Variants in MAL2 observed in about 807,000 individuals in gnomAD.
MAL2 encodes mal, T cell differentiation protein 2.
A neutral mutation model predicts 18.1 loss-of-function variants in MAL2; 17 were observed. That is an observed-to-expected ratio of 0.94 (90% CI 0.64 to 1.41). The LOEUF (loss-of-function observed/expected upper bound fraction) is 1.41. Among genes scored for constraint, MAL2 ranks in the 40% most tolerant of loss-of-function variants. The probability of loss-of-function intolerance (pLI) is 0.00; values close to 1 mark genes in which losing one functional copy is unlikely to be tolerated. For missense variants in MAL2, 222 were observed against 231.9 expected (o/e 0.96, Z 0.28); for synonymous variants, 102 against 102.3 (o/e 1.00, Z 0.02).
At position 119,224,090 on chromosome 8, in the gene MAL2, A is replaced by G. The variant is rs572937200; in HGVS notation, c.303+2333A>G. 44 of 152,326 alleles carry G rather than the reference A, an allele frequency of 2.9e-4. 1 individual carries two copies. Among genetic ancestry groups the G allele is most frequent in the African/African-American group, 9.4e-4 (39 of 41,588 alleles). 9.4% of individuals were successfully genotyped at this position (152,326 alleles called of 1,614,324 possible). A position where few individuals can be genotyped will look rare whatever the true frequency, so the allele number is the denominator to read the frequency against. On this transcript the variant is annotated intron_variant, in intron 2 of 3. Coordinates refer to ENST00000614891, the MANE Select transcript of MAL2 (RefSeq NM_052886.3). ...CTTATTTTCTAGATGTATTTGTTGT[A>G]GGATATTGAGTTTACTATTTCTTCT...
intron 2 of MAL2, among the ~76,000 whole-genome samples, chr8:119,222,334 G>A (rs1817481619): frequency 6.6e-6 from 1 of 151,878 alleles, no homozygotes. Flanking sequence ...TTCAAGACCA[G>A]CCTGGCCAAC....
chr8:119,245,503 T>C lies in MAL2; in HGVS notation c.*2015T>C, dbSNP rs927601566. On this transcript the variant is annotated 3_prime_UTR_variant, in exon 4 of 4. Transcript: ENST00000614891. The stretch of plus-strand genomic sequence containing the variant: ...TTGTAGCTTAATCACATTCTAGACT[T>C]GTGAGTTGAATGACAAAGCAGTTGA... 6.6e-6 allele frequency: 1 copy of C among 152,626 alleles called. No homozygotes were observed. Among genetic ancestry groups the C allele is most frequent in the Admixed American group, 6.6e-5 (1 of 15,264 alleles). 9.5% of individuals were successfully genotyped at this position (152,626 alleles called of 1,614,324 possible).
intron 2 of MAL2, among the ~76,000 whole-genome samples, chr8:119,229,823 C>G (rs2432984): frequency 0.95 from 145,110 of 152,260 alleles, 69,239 homozygotes; most frequent in East Asian, 1. Context: ...TTCTCCTTCA[C>G]GTGGGCATAA....
chr8:119,238,245 C>T (rs1388678478), intron 2 of MAL2, among the ~76,000 whole-genome samples: 2 of 151,648 alleles, frequency 1.3e-5, no homozygotes, highest in African/African-American at 2.4e-5. Context: ...TGAAGGACCT[C>T]TTCAAGAACT....
At chr8:119,232,722 T>A (rs1216535570) in intron 2 of MAL2, among the ~76,000 whole-genome samples, 1 of 152,244 alleles carries the variant, frequency 6.6e-6, no homozygotes, top group Admixed American at 6.5e-5. Context: ...ATACATATCA[T>A]AACCATAATA....
At chr8:119,219,958 C>T (rs1467588730) in intron 1 of MAL2, among the ~76,000 whole-genome samples, 2 of 152,162 alleles carry the variant, frequency 1.3e-5, no homozygotes, top group African/African-American at 4.8e-5. Flanking sequence ...ACATTCACGG[C>T]ATGCAAGTAA....
At position 119,240,246 on chromosome 8, in the gene MAL2, T is replaced by G; in HGVS notation, c.385T>G (p.Leu129Val). ...AGCAGCAGCCACATCCCTGCATGAT[T>G]TGCATTGCAATACAACCATAACCGG... is the stretch of plus-strand genomic sequence containing the variant. Reference protein sequence around the residue: ...LEAAATSLHDLHCNTTITGQP... With the variant: ...LEAAATSLHDVHCNTTITGQP... The change falls in exon 3 of 4, where the codon TTG (leucine) becomes GTG (valine). Residue 129 changes from leucine to valine, a missense_variant. Physicochemically the swap from Leu to Val is conservative, Grantham distance 32. Coordinates refer to ENST00000614891, the MANE Select transcript of MAL2 (RefSeq NM_052886.3). 1 of 1,613,802 alleles carries G rather than the reference T, an allele frequency of 6.2e-7. No homozygotes were observed. The highest frequency in any genetic ancestry group is 1.1e-5 in the South Asian group (1 of 91,070).
At chr8:119,228,721 C>G (rs1817647299) in intron 2 of MAL2, among the ~76,000 whole-genome samples, 1 of 152,148 alleles carries the variant, frequency 6.6e-6, no homozygotes, top group African/African-American at 2.4e-5. Flanking sequence ...GGCTCAAGCT[C>G]AGAGAGTCAT....
intron 2 of MAL2, among the ~76,000 whole-genome samples, chr8:119,236,871 C>G (rs558709527): frequency 6.6e-6 from 1 of 150,592 alleles, no homozygotes; most frequent in Admixed American, 6.6e-5. Context: ...CCTAACATCA[C>G]AATTAAAAGA....
Position 119,208,586 on chromosome 8 carries a change from C to T in MAL2, c.114C>T (p.Ala38=), listed in dbSNP as rs933970995. 3.6e-6 allele frequency: 5 copies of T among 1,381,654 alleles called. No homozygotes were observed. The highest frequency in any genetic ancestry group is 3.0e-5 in the African/African-American group (2 of 66,836). 85.6% of individuals were successfully genotyped at this position (1,381,654 alleles called of 1,614,324 possible). Residue 38 remains alanine (A), a synonymous_variant, in exon 1 of 4, where the codon GCC becomes GCT. Coordinates refer to ENST00000614891, the MANE Select transcript of MAL2 (RefSeq NM_052886.3). The surrounding 1 kb of genome is among the most constrained non-coding windows in gnomAD (Gnocchi z 4.3). ...ACATCCTGCGGACCTACTCGGGCGC[C>T]TTCGTCTGCCTGGAGATTGTAAGTG... is the stretch of plus-strand genomic sequence containing the variant. ...GPDILRTYSG[A]FVCLEILFGG... is the part of the protein sequence containing the mutation.
rs543003346 is a variant in MAL2, at chr8:119,240,037, A to T, written c.304-128A>T. ...AACATTTCTAAAGCAGCTAAGCTTA[A>T]CAGTGAATATAGTTAAGATTGTTTA... On this transcript the variant is annotated intron_variant, in intron 2 of 3. Coordinates refer to ENST00000614891, the MANE Select transcript of MAL2 (RefSeq NM_052886.3). 191 of 1,017,560 alleles carry T rather than the reference A, an allele frequency of 1.9e-4. 1 individual carries two copies. The East Asian group carries it at 5.0e-3, about 26-fold the overall frequency. The allele number at this position is 1,017,560 out of a possible 1,614,324, so 63.0% of individuals were successfully genotyped here.
At position 119,221,932 on chromosome 8, in the gene MAL2, C is replaced by A. The variant is rs562641596; in HGVS notation, c.303+175C>A. On this transcript the variant is annotated intron_variant, in intron 2 of 3. Coordinates refer to ENST00000614891, the MANE Select transcript of MAL2 (RefSeq NM_052886.3). ...GTGGCTGCCTTGATGGACAACAGGG[C>A]CCCAGTTTGCGAAATCTCTGTGTTG... 2.0e-4 allele frequency among the ~76,000 whole-genome samples: 30 copies of A among 151,932 alleles called. 1 individual carries two copies. Among genetic ancestry groups the A allele is most frequent in the Non-Finnish European group, 3.8e-4 (26 of 67,984 alleles).
intron 3 of MAL2, among the ~76,000 whole-genome samples, chr8:119,242,799 A>G (rs956858647): frequency 6.6e-6 from 1 of 152,210 alleles, no homozygotes; most frequent in African/African-American, 2.4e-5. Context: ...CATAAGCCCC[A>G]AAAGGGTGAG....
chr8:119,216,412 G>A (rs1817356027), intron 1 of MAL2, among the ~76,000 whole-genome samples: 1 of 152,134 alleles, frequency 6.6e-6, no homozygotes, highest in Non-Finnish European at 1.5e-5. Context: ...GAATGGATTT[G>A]TACCTCAATT....
intron 1 of MAL2, among the ~76,000 whole-genome samples, chr8:119,219,813 A>G (rs1817434120): frequency 6.6e-6 from 1 of 152,132 alleles, no homozygotes; most frequent in African/African-American, 2.4e-5. Context: ...CTGATGTAAC[A>G]AAGCCCAGTA....
rs376851988 is a variant in MAL2, at chr8:119,221,592, C to G, written c.138C>G (p.Phe46Leu). Residue 46 changes from phenylalanine (F) to leucine (L), a missense_variant, in exon 2 of 4, where the codon TTC becomes TTG. Physicochemically the swap from Phe to Leu is conservative, Grantham distance 22 (BLOSUM62 0). Coordinates refer to ENST00000614891, the MANE Select transcript of MAL2 (RefSeq NM_052886.3). ...SGAFVCLEIL[F>L]GGLVWILVAS... ...ACCCTCTTTTTCTCTTTCAGCTGTT[C>G]GGGGGTCTTGTCTGGATTTTGGTTG... is the stretch of plus-strand genomic sequence containing the variant. 6.2e-7 allele frequency: 1 copy of G among 1,613,628 alleles called. No individual in the cohort carries two copies. The highest frequency in any genetic ancestry group is 1.7e-5 in the Admixed American group (1 of 59,984).
At chr8:119,233,890 C>T (rs910490230) in intron 2 of MAL2, among the ~76,000 whole-genome samples, 8 of 152,114 alleles carry the variant, frequency 5.3e-5, no homozygotes. Flanking sequence ...GAATTTTAGA[C>T]CAATATCCTT....
intron 1 of MAL2, among the ~76,000 whole-genome samples, chr8:119,212,336 A>G (rs1817280459): frequency 6.6e-6 from 1 of 152,220 alleles, no homozygotes; most frequent in African/African-American, 2.4e-5. Flanking sequence ...ATATTCCCCA[A>G]GTTATTCATT....
intron 2 of MAL2, among the ~76,000 whole-genome samples, chr8:119,228,832 C>G (rs1817649529): frequency 6.6e-6 from 1 of 152,116 alleles, no homozygotes. Flanking sequence ...AAATATTTTG[C>G]CCTCCAGGAA....
Sources: gnomAD v4.1 joint callset for allele counts (sites outside exome capture counted in the v4.1 genomes callset) on GRCh38, gnomAD v4.1.1 for gene constraint, Gnocchi (gnomAD v3.1) non-coding constraint, MANE v1.5 for transcripts, NCBI Gene and HGNC (gene_info 2026-07-23, HGNC 2026-07-21) for gene names.